The following HECTD4 variants were observed in gnomAD, a reference collection of about 807,000 sequenced individuals.
HECTD4 encodes the protein HECT domain E3 ubiquitin protein ligase 4.
A neutral mutation model predicts 471.5 loss-of-function variants in HECTD4; 114 were observed. The observed-to-expected ratio is 0.24, with a 90% CI of 0.21 to 0.28. HECTD4 has a LOEUF of 0.28. Ranked by LOEUF, HECTD4 falls within the 10% of genes least tolerant of loss-of-function variation. The pLI is 1.00. For synonymous variants in HECTD4, 2,012 were observed against 2,256.0 expected (o/e 0.89, Z 3.07); for missense variants, 3,866 against 5,651.5 (o/e 0.68, Z 10.13).
rs571260224 is a variant in HECTD4, at chr12:112,247,589, C to A, written c.4249-39G>T. Reference sequence around the variant, plus strand: ...AGATGGTATGCAGAATCTGCAAGAACCAAGTTTTACTATACATATATTAAA... The same window carrying A: ...AGATGGTATGCAGAATCTGCAAGAAACAAGTTTTACTATACATATATTAAA... On this transcript the variant is annotated intron_variant, in intron 27 of 75. Transcript: ENST00000682272. 13 of 994,036 alleles carry A rather than the reference C, an allele frequency of 1.3e-5. No homozygotes were observed. The African/African-American group carries it at 1.7e-4, about 13-fold the overall frequency. 61.6% of individuals were successfully genotyped at this position (994,036 alleles called of 1,614,324 possible). A position where few individuals can be genotyped will look rare whatever the true frequency, so the allele number is the denominator to read the frequency against.
chr12:112,364,339 G>A (rs1269372466), intron 1 of HECTD4, among the ~76,000 whole-genome samples: 1 of 150,818 alleles, frequency 6.6e-6, no homozygotes, highest in African/African-American at 2.4e-5. Context: ...CCTGGGAGGC[G>A]GAGCTTGCAG....
rs376919176 is a variant in HECTD4, at chr12:112,167,507, G to A, written c.12344C>T (p.Thr4115Ile). 75 of 1,607,136 alleles carry A rather than the reference G, an allele frequency of 4.7e-5. No homozygotes were observed. Among genetic ancestry groups the A allele is most frequent in the Admixed American group, 3.7e-4 (22 of 59,456 alleles). The change falls in exon 72 of 76, where the codon ACC becomes ATC. Residue 4115 changes from threonine to isoleucine, a missense_variant. This residue lies in a region of HECTD4 where 715 missense variants were observed against 1,087.6 expected (regional missense o/e 0.66). Transcript: ENST00000682272. ...GKYILTPSPI[T>I]YGEEQLLHFL... is the part of the protein sequence containing the mutation. ...GTGCAGCAGCTGCTCCTCCCCGTAG[G>A]TGATGGGGCTCGGGGTCAGGATATA...
intron 49 of HECTD4, among the ~76,000 whole-genome samples, chr12:112,211,935 A>G (rs771192982): frequency 6.6e-6 from 1 of 152,194 alleles, no homozygotes; most frequent in Non-Finnish European, 1.5e-5. Flanking sequence ...GTATGTGAGC[A>G]TGGAGTTTAG....
At chr12:112,340,732 A>G (rs2036040238) in intron 1 of HECTD4, among the ~76,000 whole-genome samples, 1 of 152,196 alleles carries the variant, frequency 6.6e-6, no homozygotes, top group African/African-American at 2.4e-5. Flanking sequence ...CAACAATACC[A>G]TCTCTCATAA....
Position 112,261,335 on chromosome 12 carries a change from A to G in HECTD4, c.2843T>C (p.Ile948Thr). 1.9e-6 allele frequency: 3 copies of G among 1,609,134 alleles called. No individual in the cohort carries two copies. Among genetic ancestry groups the G allele is most frequent in the Non-Finnish European group, 2.6e-6 (3 of 1,175,838 alleles). The change falls in exon 18 of 76, where the codon ATA becomes ACA. Residue 948 changes from isoleucine (I) to threonine (T), a missense_variant. By Grantham distance (89) the Ile-to-Thr change is moderately conservative. This residue lies in a region of HECTD4 where 525 missense variants were observed against 672.6 expected (regional missense o/e 0.78). Coordinates refer to ENST00000682272, the MANE Select transcript of HECTD4 (RefSeq NM_001388303.1). ...EMLQQVTTALINSDIADREQR... is the reference protein window; with the variant it reads ...EMLQQVTTALTNSDIADREQR... The stretch of plus-strand genomic sequence containing the variant: ...CTCACGGTCTGCTATGTCACTATTT[A>G]TGAGGGCAGTTGTGACCTGCTGTAG...
chr12:112,271,055 T>A (rs1369008377), intron 11 of HECTD4, among the ~76,000 whole-genome samples: 2 of 152,186 alleles, frequency 1.3e-5, no homozygotes, highest in Admixed American at 6.5e-5. Flanking sequence ...AAAGTGGACT[T>A]TCTTTTCTAC....
chr12:112,235,056 T>C lies in HECTD4; in HGVS notation c.5915+21A>G. Reference sequence around the variant, plus strand: ...TGGGTGGTGCTTGAGGATGTGTAGCTATCACAATCATTATGGTCACCTTAG... The same window carrying C: ...TGGGTGGTGCTTGAGGATGTGTAGCCATCACAATCATTATGGTCACCTTAG... On this transcript the variant is annotated intron_variant, in intron 37 of 75. Transcript: ENST00000682272. This position sits in a 1 kb window ranked among gnomAD's most constrained non-coding sequence, Gnocchi z 5.0. 4.5e-6 allele frequency: 7 copies of C among 1,551,290 alleles called. No individual in the cohort carries two copies. Among genetic ancestry groups the C allele is most frequent in the Non-Finnish European group, 6.1e-6 (7 of 1,146,502 alleles).
chr12:112,171,600 CAA>C (rs1254824850), intron 67 of HECTD4, among the ~76,000 whole-genome samples: 1 of 152,226 alleles, frequency 6.6e-6, no homozygotes, highest in African/African-American at 2.4e-5. Context: ...AAAAATGGCA[CAA>C]AGAGTCCCGT....
chr12:112,235,215 G>T lies in HECTD4; in HGVS notation c.5777C>A (p.Thr1926Lys). ...PTASEPDTTL[T>K]KTSPKNSLKG... is the part of the protein sequence containing the mutation. ...CAAGGAATTCTTGGGACTGGTTTTT[G>T]TCAATGTGGTGTCAGGTTCAGAAGC... The change falls in exon 37 of 76, where the codon ACA becomes AAA. Residue 1926 changes from threonine to lysine, a missense_variant. Thr to Lys is a moderately conservative substitution (Grantham distance 78). Coordinates refer to ENST00000682272, the MANE Select transcript of HECTD4 (RefSeq NM_001388303.1). The surrounding 1 kb of genome is among the most constrained non-coding windows in gnomAD (Gnocchi z 5.0). 5.0e-6 allele frequency: 8 copies of T among 1,613,992 alleles called. No individual in the cohort carries two copies. The highest frequency in any genetic ancestry group is 6.8e-6 in the Non-Finnish European group (8 of 1,179,876).
intron 19 of HECTD4, chr12:112,258,883 G>T: frequency 1.7e-6 from 1 of 575,100 alleles, no homozygotes; most frequent in Non-Finnish European, 3.0e-6. Flanking sequence ...TAGCTGATCA[G>T]CCATGAACAC....
rs1186874208 is a variant in HECTD4 at position 112,207,779 on chromosome 12, T to C, written c.8131+95A>G. The C allele has an allele frequency of 5.0e-6, 7 of 1,399,730 alleles. No individual in the cohort carries two copies. In the East Asian group the frequency reaches 1.6e-4, roughly 32 times the overall value. 86.7% of individuals were successfully genotyped at this position (1,399,730 alleles called of 1,614,324 possible). On this transcript the variant is annotated intron_variant, in intron 52 of 75. Coordinates refer to ENST00000682272, the MANE Select transcript of HECTD4 (RefSeq NM_001388303.1). ...GACACTGTTAAGTATGGTGCAACAT[T>C]AGATGAGTCTCTCCTGATTTACATT...
At chr12:112,310,980 G>C (rs2035357940) in intron 4 of HECTD4, among the ~76,000 whole-genome samples, 1 of 152,130 alleles carries the variant, frequency 6.6e-6, no homozygotes, top group Non-Finnish European at 1.5e-5. Flanking sequence ...GTTACACTGT[G>C]GCCAGGCACA....
Position 112,173,467 on chromosome 12 carries a change from G to A in HECTD4, c.11595-606C>T, listed in dbSNP as rs569054984. ...TGCAGTGGTGCGATCTCAGCTCACTGCAAGCTCTGCCTCCTGGGTTCACGC... is the reference window on the plus strand; with the variant it reads ...TGCAGTGGTGCGATCTCAGCTCACTACAAGCTCTGCCTCCTGGGTTCACGC... On this transcript the variant is annotated intron_variant, in intron 66 of 75. Transcript: ENST00000682272. The surrounding 1 kb of genome is among the most constrained non-coding windows in gnomAD (Gnocchi z 4.3). Among the ~76,000 whole-genome samples the A allele has an allele frequency of 4.7e-4, 72 of 151,990 alleles. 1 individual carries two copies. The South Asian group carries it at 0.014, about 30-fold the overall frequency.
At chr12:112,216,945 A>G in intron 46 of HECTD4, 24 bp from the exon 47 acceptor site, 1 of 1,610,204 alleles carries the variant, frequency 6.2e-7, no homozygotes, top group African/African-American at 1.3e-5. Context: ...AGAAGAGAGC[A>G]GCAATCAGAG....
At chr12:112,352,185 G>A (rs2036257310) in intron 1 of HECTD4, among the ~76,000 whole-genome samples, 1 of 152,158 alleles carries the variant, frequency 6.6e-6, no homozygotes, top group South Asian at 2.1e-4. Context: ...TACCTATGGT[G>A]GCGAGGAGGG....
intron 58 of HECTD4, 95 bp downstream of exon 58, chr12:112,192,966 A>T (rs947147490): frequency 6.9e-7 from 1 of 1,456,176 alleles, no homozygotes; most frequent in African/African-American, 1.4e-5. Context: ...GCATTAAAGA[A>T]TCAGTGATTT....
chr12:112,184,357 C>T lies in HECTD4; in HGVS notation c.10609G>A (p.Asp3537Asn). 6.2e-7 allele frequency: 1 copy of T among 1,612,546 alleles called. No individual in the cohort carries two copies. Among genetic ancestry groups the T allele is most frequent in the Non-Finnish European group, 8.5e-7 (1 of 1,179,692 alleles). Residue 3537 changes from aspartate (D) to asparagine (N), a missense_variant, in exon 61 of 76, where the codon GAC (aspartate) becomes AAC (asparagine). Transcript: ENST00000682272. The surrounding 1 kb of genome is among the most constrained non-coding windows in gnomAD (Gnocchi z 9.1). ...PHAVSSQESLDISLCSTGSLG... is the reference protein window; with the variant it reads ...PHAVSSQESLNISLCSTGSLG... ...CTGCCGGTGCTGCACAGGGAAATGTCCAGGCTTTCCTGGCTGGACACCGCG... is the reference window on the plus strand; with the variant it reads ...CTGCCGGTGCTGCACAGGGAAATGTTCAGGCTTTCCTGGCTGGACACCGCG...
intron 27 of HECTD4, 141 bp downstream of exon 27, chr12:112,247,926 T>C (rs979367314): frequency 1.7e-6 from 1 of 572,130 alleles, no homozygotes; most frequent in African/African-American, 1.9e-5. Context: ...TTTTAAAGAA[T>C]GGGTACATTT....
rs761606255 is a variant in HECTD4, at chr12:112,179,381, G to A, written c.11004C>T (p.Pro3668=). 51 of 1,611,182 alleles carry A rather than the reference G, an allele frequency of 3.2e-5. 1 individual carries two copies. In the South Asian group the frequency reaches 3.5e-4, roughly 11 times the overall value. Residue 3668 remains proline (P), a synonymous_variant, in exon 63 of 76, where the codon CCC becomes CCT. Transcript: ENST00000682272. The surrounding 1 kb of genome is among the most constrained non-coding windows in gnomAD (Gnocchi z 4.3). ...TCTCCGTCAGAACCTCTCTGGCTCC[G>A]GGCACCAGCTTCTCCCCTGTTGGAT... ...DKSIKGEKLV[P]GAREVLTEIF...
Sources: allele counts gnomAD v4.1 joint callset (sites outside exome capture counted in the v4.1 genomes callset), GRCh38; gene constraint gnomAD v4.1.1; regional missense constraint gnomAD v4.1.1; non-coding constraint Gnocchi (gnomAD v3.1); transcripts MANE v1.5; gene names NCBI Gene and HGNC (gene_info 2026-07-23, HGNC 2026-07-21).